The following HOOK3 variants were observed in gnomAD, a reference collection of about 807,000 sequenced individuals.
HOOK3 encodes protein Hook homolog 3.
In HOOK3, 24 loss-of-function variants were observed where a neutral mutation model predicts 116.3. That is an observed-to-expected ratio of 0.21 (90% confidence interval 0.15 to 0.29). The LOEUF (loss-of-function observed/expected upper bound fraction) is 0.29, where lower values mean the gene tolerates loss of function less well. Ranked by LOEUF, HOOK3 falls within the 10% of genes least tolerant of loss-of-function variation. The pLI, the probability that HOOK3 is intolerant of heterozygous loss-of-function variation, is 1.00. For synonymous variants in HOOK3, 275 were observed against 283.0 expected (o/e 0.97, Z 0.28); for missense variants, 632 against 830.2 (o/e 0.76, Z 2.93).
At chr8:43,006,864 C>T (rs190698952) in intron 17 of HOOK3, among the ~76,000 whole-genome samples, 178 of 151,378 alleles carry the variant, frequency 1.2e-3, no homozygotes, top group African/African-American at 4.2e-3. Context: ...GCCTTTTTTC[C>T]TAGTTATGTT....
intron 4 of HOOK3, among the ~76,000 whole-genome samples, chr8:42,941,634 G>A (rs186081198): frequency 6.6e-6 from 1 of 151,544 alleles, no homozygotes; most frequent in African/African-American, 2.4e-5. Flanking sequence ...ATTTAATCTG[G>A]TTGGTGGTAT....
chr8:42,955,374 G>A (rs1171224694), intron 6 of HOOK3, among the ~76,000 whole-genome samples: 1 of 152,160 alleles, frequency 6.6e-6, no homozygotes, highest in Non-Finnish European at 1.5e-5. Flanking sequence ...TATACCGTGG[G>A]ATGACTTTAG....
rs867250535 is a variant in HOOK3 at position 43,006,028 on chromosome 8, T to A, written c.1656-1819T>A. Among the ~76,000 whole-genome samples, 17 of 148,436 alleles carry A rather than the reference T, an allele frequency of 1.1e-4. No homozygotes were observed. In the East Asian group the frequency reaches 1.2e-3, roughly 10 times the overall value. ...TATTTATTTATTTATTTATTTATTT[T>A]TATTTATTTTGAGATGGAGTCTCGC... is the stretch of plus-strand genomic sequence containing the variant. On this transcript the variant is annotated intron_variant, in intron 17 of 21. Transcript: ENST00000307602.
At chr8:42,907,816 C>CAAAAAAAAAA (rs71550426) in intron 2 of HOOK3, among the ~76,000 whole-genome samples, 7 of 46,196 alleles carry the variant, frequency 1.5e-4, no homozygotes, top group Admixed American at 9.2e-4. Context: ...AGCAACGAGG[C>CAAAAAAAAAA]AAAAAAAAAA....
chr8:42,945,492 G>A (rs1174503659), intron 5 of HOOK3, among the ~76,000 whole-genome samples: 1 of 152,036 alleles, frequency 6.6e-6, no homozygotes, highest in East Asian at 1.9e-4. Context: ...TGTGTTTTTA[G>A]TAGAGGCAGG....
At position 43,004,630 on chromosome 8, in the gene HOOK3, G is replaced by A. The variant is rs192694570; in HGVS notation, c.1655+2489G>A. On this transcript the variant is annotated intron_variant, in intron 17 of 21. Transcript: ENST00000307602. ...TGGGAGGCAGAGGTTGCAGTGAGCC[G>A]AGGTCATGTCACTGCACTGCAGCCT... Among the ~76,000 whole-genome samples, 748 of 146,886 alleles carry A rather than the reference G, an allele frequency of 5.1e-3. 2 individuals are homozygous for A. Among genetic ancestry groups the A allele is most frequent in the Non-Finnish European group, 7.3e-3 (489 of 67,302 alleles).
At chr8:42,915,576 T>TG (rs1243183216) in intron 2 of HOOK3, among the ~76,000 whole-genome samples, 2 of 152,024 alleles carry the variant, frequency 1.3e-5, no homozygotes, top group African/African-American at 4.8e-5. Context: ...GGATTACAGG[T>TG]GCCCACCACC....
At chr8:42,987,532 C>T (rs186529841) in intron 15 of HOOK3, among the ~76,000 whole-genome samples, 97 of 152,268 alleles carry the variant, frequency 6.4e-4, no homozygotes, top group Non-Finnish European at 1.2e-3. Context: ...GTAGCTCCCT[C>T]GTAATTGGAT....
At chr8:42,899,139 A>G (rs1807129857) in intron 1 of HOOK3, among the ~76,000 whole-genome samples, 2 of 152,218 alleles carry the variant, frequency 1.3e-5, no homozygotes, top group African/African-American at 4.8e-5. Flanking sequence ...TAGTAATTGC[A>G]TTTATTTAAG....
chr8:42,945,308 C>T (rs1351858996), intron 5 of HOOK3, among the ~76,000 whole-genome samples: 1 of 151,684 alleles, frequency 6.6e-6, no homozygotes. Context: ...TTATTTTATT[C>T]TATTTTATTT....
intron 2 of HOOK3, among the ~76,000 whole-genome samples, chr8:42,919,120 G>C (rs1333776406): frequency 6.6e-6 from 1 of 151,688 alleles, no homozygotes; most frequent in African/African-American, 2.4e-5. Flanking sequence ...GGCGGCTGCC[G>C]GGTGGAGACG....
At chr8:42,996,081 G>T (rs1359661167) in intron 15 of HOOK3, among the ~76,000 whole-genome samples, 2 of 152,070 alleles carry the variant, frequency 1.3e-5, no homozygotes, top group East Asian at 3.9e-4. Flanking sequence ...ATGACCTAGA[G>T]AATTTATGAA....
chr8:43,000,341 G>A (rs1248265042), intron 16 of HOOK3: 2 of 1,008,436 alleles, frequency 2.0e-6, no homozygotes, highest in Non-Finnish European at 2.7e-6. Context: ...TGCCATCATA[G>A]TTGATGGTGT....
chr8:42,975,574 A>G (rs776415611), intron 13 of HOOK3, among the ~76,000 whole-genome samples: 3 of 152,234 alleles, frequency 2.0e-5, no homozygotes, highest in Non-Finnish European at 2.9e-5. Flanking sequence ...AGAAGGAATG[A>G]TAGGGCTTTA....
intron 4 of HOOK3, among the ~76,000 whole-genome samples, chr8:42,941,517 CAAAAA>C (rs960451235): frequency 2.3e-5 from 1 of 44,028 alleles, no homozygotes; most frequent in African/African-American, 8.9e-5. Flanking sequence ...GACTCCGTCT[CAAAAA>C]AAAAAAAAAA....
intron 11 of HOOK3, among the ~76,000 whole-genome samples, chr8:42,971,113 CT>C (rs1478939599): frequency 2.0e-5 from 3 of 151,602 alleles, no homozygotes; most frequent in Admixed American, 1.3e-4. Context: ...ATTCCATATC[CT>C]TTTTTTTCTT....
rs545217713 is a variant in HOOK3, at chr8:42,934,375, A to AT, written c.267+4211dup. On this transcript the variant is annotated intron_variant, in intron 4 of 21. Coordinates refer to ENST00000307602, the MANE Select transcript of HOOK3 (RefSeq NM_032410.4). ...ATCTCTATGAGAATATTAATCATAG[A>AT]TTTTTTTTACTTTCATATGTTTTTT... 8.4e-4 allele frequency among the ~76,000 whole-genome samples: 127 copies of AT among 151,888 alleles called. 1 individual carries two copies. In the South Asian group the frequency reaches 0.011, roughly 13 times the overall value.
intron 4 of HOOK3, among the ~76,000 whole-genome samples, chr8:42,942,367 AT>A (rs1331497642): frequency 2.0e-5 from 3 of 152,264 alleles, no homozygotes; most frequent in Non-Finnish European, 4.4e-5. Context: ...GTATATGTAC[AT>A]TTTAAAGGTA....
At chr8:42,899,681 T>C (rs1467449315) in intron 1 of HOOK3, among the ~76,000 whole-genome samples, 1 of 152,248 alleles carries the variant, frequency 6.6e-6, no homozygotes, top group African/African-American at 2.4e-5. Flanking sequence ...CTTGATTTTA[T>C]GTCAGCTTCT....
Sources: allele counts gnomAD v4.1 joint callset (sites outside exome capture counted in the v4.1 genomes callset), GRCh38; gene constraint gnomAD v4.1.1; transcripts MANE v1.5; gene names NCBI Gene and HGNC (gene_info 2026-07-23, HGNC 2026-07-21).